CEP250: variants seen among roughly 807,000 people sequenced by gnomAD.
CEP250 encodes the protein centrosomal protein 250, also known as centrosome-associated protein CEP250.
Under a neutral mutation model 315.7 loss-of-function variants are expected in CEP250, and 242 were observed. The ratio of observed to expected loss-of-function variants is 0.77; its 90% confidence interval spans 0.69 to 0.85. The LOEUF (loss-of-function observed/expected upper bound fraction) is 0.85, where lower values mean the gene tolerates loss of function less well. CEP250 is among the 40% of genes least tolerant of loss of function. The pLI is 0.00. For synonymous variants in CEP250, 1,088 were observed against 1,175.0 expected, an observed-to-expected ratio of 0.93 and a Z score of 1.51; for missense variants, 2,515 against 2,886.4, an observed-to-expected ratio of 0.87 and a Z score of 2.95.
rs2064443473 is a variant in CEP250, at chr20:35,517,130, G to A, written c.*5504G>A. The A allele has an allele frequency of 1.8e-6, 1 of 546,468 alleles. No individual in the cohort carries two copies. Among genetic ancestry groups the A allele is most frequent in the Non-Finnish European group, 2.3e-6 (1 of 428,488 alleles). The allele number at this position is 546,468 out of a possible 1,614,324, so 33.9% of individuals were successfully genotyped here. A position where few individuals can be genotyped will look rare whatever the true frequency, so the allele number is the denominator to read the frequency against. On this transcript the variant is annotated 3_prime_UTR_variant, in exon 35 of 35. Transcript: ENST00000397527. The stretch of plus-strand genomic sequence containing the variant: ...CAGAACACCTCCTTCCAGCACCTTA[G>A]CTCCTGCCTCCCTCTGGACCTATTC...
rs1164637635 is a variant in CEP250 at position 35,516,933 on chromosome 20, G to A, written c.*5307G>A. ...GACGGCAGAAACGTCAGCCACAGGT[G>A]AGCATAAGCTCAAACCCCCCCATTG... On this transcript the variant is annotated 3_prime_UTR_variant, in exon 35 of 35. Transcript: ENST00000397527. 2 of 975,118 alleles carry A rather than the reference G, an allele frequency of 2.1e-6. No homozygotes were observed. Among genetic ancestry groups the A allele is most frequent in the East Asian group, 2.3e-4 (2 of 8,788 alleles). 60.4% of individuals were successfully genotyped at this position (975,118 alleles called of 1,614,324 possible).
rs934595533 is a variant in CEP250, at chr20:35,518,266, G to C, written c.*6640G>C. 1 of 151,888 alleles carries C rather than the reference G, an allele frequency of 6.6e-6. No individual in the cohort carries two copies. Among genetic ancestry groups the C allele is most frequent in the East Asian group, 1.9e-4 (1 of 5,192 alleles). 9.4% of individuals were successfully genotyped at this position (151,888 alleles called of 1,614,324 possible). On this transcript the variant is annotated 3_prime_UTR_variant, in exon 35 of 35. Transcript: ENST00000397527. ...ACTACCTACACCTTTGGGGATTCTCGGATCCTGACTCTGAGCTACCTCATT... is the reference window on the plus strand; with the variant it reads ...ACTACCTACACCTTTGGGGATTCTCCGATCCTGACTCTGAGCTACCTCATT...
At chr20:35,456,331 C>G (rs965197293) in intron 1 of CEP250, among the ~76,000 whole-genome samples, 1 of 152,184 alleles carries the variant, frequency 6.6e-6, no homozygotes, top group Non-Finnish European at 1.5e-5. Flanking sequence ...GTGGATGGAG[C>G]TGGGAAACTG....
intron 33 of CEP250, 63 bp from the exon 34 acceptor site, chr20:35,509,933 GAA>G: frequency 6.9e-7 from 1 of 1,446,328 alleles, no homozygotes; most frequent in African/African-American, 1.4e-5. Context: ...GTTCTGCAAG[GAA>G]ACTTGCAGAA....
Position 35,476,459 on chromosome 20 carries a change from C to T in CEP250, c.1727C>T (p.Ser576Leu), listed in dbSNP as rs1348555420. Residue 576 changes from serine to leucine, a missense_variant, in exon 16 of 35, where the codon TCA becomes TTA. Ser to Leu is a moderately radical substitution (Grantham distance 145). Coordinates refer to ENST00000397527, the MANE Select transcript of CEP250 (RefSeq NM_007186.6). ...CTTTTTGTTTTTTAGGCAGAGCAGTCAATTGCAGAGCTGTCGAGTTCTGAA... is the reference window on the plus strand; with the variant it reads ...CTTTTTGTTTTTTAGGCAGAGCAGTTAATTGCAGAGCTGTCGAGTTCTGAA... ...VTAALARAEQ[S>L]IAELSSSENT... The T allele has an allele frequency of 4.3e-6, 7 of 1,613,088 alleles. No homozygotes were observed. The South Asian group carries it at 4.4e-5, about 10-fold the overall frequency.
intron 25 of CEP250, 94 bp downstream of exon 25, chr20:35,496,809 AC>A: frequency 7.3e-7 from 1 of 1,369,924 alleles, no homozygotes; most frequent in Non-Finnish European, 9.8e-7. Flanking sequence ...CATGGAGAGG[AC>A]CCATCTATTT....
intron 10 of CEP250, 21 bp downstream of exon 10, chr20:35,470,007 G>T (rs2062985238): frequency 2.6e-6 from 4 of 1,537,948 alleles, no homozygotes; most frequent in Non-Finnish European, 3.6e-6. Flanking sequence ...CTTTGCTCTG[G>T]AAAGGAGTTG....
At chr20:35,484,158 C>CT (rs2063437393) in intron 20 of CEP250, among the ~76,000 whole-genome samples, 1 of 151,782 alleles carries the variant, frequency 6.6e-6, no homozygotes, top group East Asian at 1.9e-4. Flanking sequence ...ATGAGCATGT[C>CT]TTTGGAAATT....
At chr20:35,493,959 G>A (rs2063766029) in intron 23 of CEP250, among the ~76,000 whole-genome samples, 1 of 152,142 alleles carries the variant, frequency 6.6e-6, no homozygotes, top group Admixed American at 6.5e-5. Context: ...TTGCCTTTGG[G>A]AGTAGTTATA....
intron 15 of CEP250, chr20:35,476,056 C>G (rs1459698212): frequency 4.5e-6 from 1 of 221,820 alleles, no homozygotes; most frequent in African/African-American, 2.3e-5. Flanking sequence ...TTTTCCCTTT[C>G]TCTGCACTAC....
Position 35,505,049 on chromosome 20 carries a change from G to C in CEP250, c.6636+44G>C, listed in dbSNP as rs369465476. ...AGTAAGGGCCAGGGGACACACCCCT[G>C]TCTGGCTGAGCTCAGGGACTGCCCA... On this transcript the variant is annotated intron_variant, in intron 30 of 34. Coordinates refer to ENST00000397527, the MANE Select transcript of CEP250 (RefSeq NM_007186.6). 1.3e-5 allele frequency: 19 copies of C among 1,500,756 alleles called. No individual in the cohort carries two copies. The African/African-American group carries it at 2.7e-4, about 21-fold the overall frequency. The allele number at this position is 1,500,756 out of a possible 1,614,324, so 93.0% of individuals were successfully genotyped here.
chr20:35,503,379 C>G lies in CEP250; in HGVS notation c.5010C>G (p.Leu1670=), dbSNP rs200762282. 1.4e-5 allele frequency: 23 copies of G among 1,614,054 alleles called. No homozygotes were observed. In the Admixed American group the frequency reaches 3.0e-4, roughly 21 times the overall value. ...LMLQKERIQV[L]EDQRTRQTKI... ...TGCAGAAGGAGAGGATTCAGGTTCT[C>G]GAGGATCAGAGGACCCGGCAGACCA... The change falls in exon 30 of 35, where the codon CTC becomes CTG. Residue 1670 remains leucine, a synonymous_variant. Transcript: ENST00000397527. This position sits in a 1 kb window ranked among gnomAD's most constrained non-coding sequence, Gnocchi z 4.2.
chr20:35,505,006 G>GT lies in CEP250; in HGVS notation c.6636+2dup. On this transcript the variant is annotated splice_donor_variant, in intron 30 of 34. Coordinates refer to ENST00000397527, the MANE Select transcript of CEP250 (RefSeq NM_007186.6). LOFTEE classifies it high-confidence loss of function. Reference sequence around the variant, plus strand: ...GGACTCAGAACAGCAAAGGCTGCAGGTAAGTCACTCCATGGGGAGTAAGGG... The same window carrying GT: ...GGACTCAGAACAGCAAAGGCTGCAGGTTAAGTCACTCCATGGGGAGTAAGGG... The GT allele has an allele frequency of 1.9e-6, 3 of 1,597,786 alleles. No homozygotes were observed. The South Asian group carries it at 3.4e-5, about 18-fold the overall frequency.
rs752815070 is a variant in CEP250, at chr20:35,476,518, G to T, written c.1786G>T (p.Ala596Ser). 2 of 1,614,076 alleles carry T rather than the reference G, an allele frequency of 1.2e-6. No homozygotes were observed. The highest frequency in any genetic ancestry group is 2.2e-5 in the East Asian group (1 of 44,886). ...TLKTEVADLR[A>S]AAVKLSALNE... ...GAAGACAGAAGTAGCTGATCTTCGG[G>T]CTGCAGCTGTCAAGCTCAGTGCCTT... The change falls in exon 16 of 35, where the codon GCT becomes TCT. Residue 596 changes from alanine (A) to serine (S), a missense_variant. Transcript: ENST00000397527.
At chr20:35,498,558 T>G (rs750180757) in intron 26 of CEP250, 37 bp from the exon 27 acceptor site, 1 of 1,601,576 alleles carries the variant, frequency 6.2e-7, no homozygotes, top group East Asian at 2.3e-5. Context: ...CTTTTCATAG[T>G]GGCAGCCAGG....
At chr20:35,489,469 C>G (rs752924891) in intron 20 of CEP250, among the ~76,000 whole-genome samples, 2 of 152,240 alleles carry the variant, frequency 1.3e-5, no homozygotes, top group African/African-American at 4.8e-5. Context: ...TATCTCCATC[C>G]TCAATACAAC....
rs1002667786 is a variant in CEP250, at chr20:35,517,157, G to A, written c.*5531G>A. The A allele has an allele frequency of 6.4e-6, 2 of 314,668 alleles. No homozygotes were observed. Among genetic ancestry groups the A allele is most frequent in the African/African-American group, 2.3e-5 (1 of 44,438 alleles). 19.5% of individuals were successfully genotyped at this position (314,668 alleles called of 1,614,324 possible). A position where few individuals can be genotyped will look rare whatever the true frequency, so the allele number is the denominator to read the frequency against. On this transcript the variant is annotated 3_prime_UTR_variant, in exon 35 of 35. Coordinates refer to ENST00000397527, the MANE Select transcript of CEP250 (RefSeq NM_007186.6). ...TCCTGCCTCCCTCTGGACCTATTCAGTCCTCAAGGGTGCCCTGCTAAAGGC... is the reference window on the plus strand; with the variant it reads ...TCCTGCCTCCCTCTGGACCTATTCAATCCTCAAGGGTGCCCTGCTAAAGGC...
Position 35,504,741 on chromosome 20 carries a change from C to T in CEP250, c.6372C>T (p.Ala2124=), listed in dbSNP as rs772619850. The T allele has an allele frequency of 5.0e-6, 8 of 1,614,200 alleles. No individual in the cohort carries two copies. Among genetic ancestry groups the T allele is most frequent in the Non-Finnish European group, 5.1e-6 (6 of 1,180,036 alleles). ...RETQQRNNLE[A]LPHSHKTSPM... ...CCCAGCAAAGGAACAACCTGGAAGCCTTACCCCACAGCCACAAAACCTCCC... is the reference window on the plus strand; with the variant it reads ...CCCAGCAAAGGAACAACCTGGAAGCTTTACCCCACAGCCACAAAACCTCCC... Residue 2124 remains alanine (A), a synonymous_variant, in exon 30 of 35, where the codon GCC becomes GCT. Coordinates refer to ENST00000397527, the MANE Select transcript of CEP250 (RefSeq NM_007186.6).
intron 10 of CEP250, among the ~76,000 whole-genome samples, chr20:35,471,534 G>A (rs2063024463): frequency 6.6e-6 from 1 of 152,172 alleles, no homozygotes; most frequent in African/African-American, 2.4e-5. Flanking sequence ...CAAATAGGAA[G>A]GAAGAGAGGA....
Sources: gnomAD v4.1 joint callset for allele counts (sites outside exome capture counted in the v4.1 genomes callset) on GRCh38, gnomAD v4.1.1 for gene constraint, Gnocchi (gnomAD v3.1) non-coding constraint, MANE v1.5 for transcripts, NCBI Gene and HGNC (gene_info 2026-07-23, HGNC 2026-07-21) for gene names.